SNX8: variants seen among roughly 807,000 people sequenced by gnomAD.
SNX8 encodes sorting nexin-8.
Under a neutral mutation model 51.6 loss-of-function variants are expected in SNX8, and 25 were observed. The ratio of observed to expected loss-of-function variants is 0.48; its 90% confidence interval spans 0.35 to 0.68. The LOEUF (loss-of-function observed/expected upper bound fraction) is 0.68. SNX8 is among the 30% of genes least tolerant of loss of function. The pLI is 0.00. For synonymous variants in SNX8, 324 were observed against 277.0 expected (o/e 1.17, Z -1.68); for missense variants, 695 against 624.0 (o/e 1.11, Z -1.21).
chr7:2,285,046 T>A (rs562243699), intron 1 of SNX8, among the ~76,000 whole-genome samples: 35 of 151,742 alleles, frequency 2.3e-4, no homozygotes, highest in African/African-American at 8.2e-4. Context: ...CCTCATCTCT[T>A]CTAAAAATAC....
intron 1 of SNX8, among the ~76,000 whole-genome samples, chr7:2,344,855 C>A (rs933544575): frequency 6.6e-6 from 1 of 152,120 alleles, no homozygotes; most frequent in Non-Finnish European, 1.5e-5. Flanking sequence ...GTCAGGAGTT[C>A]GAGACCAGCT....
intron 7 of SNX8, among the ~76,000 whole-genome samples, chr7:2,261,695 A>C (rs1164910977): frequency 6.6e-6 from 1 of 152,192 alleles, no homozygotes; most frequent in African/African-American, 2.4e-5. Flanking sequence ...ATCTACAGAA[A>C]CCAACAGTGC....
At chr7:2,308,227 T>C (rs1438538802) in intron 1 of SNX8, among the ~76,000 whole-genome samples, 1 of 152,104 alleles carries the variant, frequency 6.6e-6, no homozygotes, top group South Asian at 2.1e-4. Context: ...CAGATAGTAT[T>C]CTAGATACTG....
chr7:2,257,073 G>A (rs1795203987), intron 9 of SNX8, 50 bp from the exon 10 acceptor site: 2 of 1,542,590 alleles, frequency 1.3e-6, no homozygotes, highest in African/African-American at 1.4e-5. Context: ...GGCGACGGGA[G>A]CACCAAGGCC....
In SNX8 at chr7:2,271,904, G is replaced by C; in HGVS notation, c.486C>G (p.His162Gln). 6.2e-7 allele frequency: 1 copy of C among 1,613,960 alleles called. No individual in the cohort carries two copies. Among genetic ancestry groups the C allele is most frequent in the Non-Finnish European group, 8.5e-7 (1 of 1,179,968 alleles). ...LKRFVNLVAR[H>Q]PLFSEDVVLK... ...GGACCACATCCTCGGAGAACAGGGGGTGTCGCGCCACCAGGTTGACGAAGC... is the reference window on the plus strand; with the variant it reads ...GGACCACATCCTCGGAGAACAGGGGCTGTCGCGCCACCAGGTTGACGAAGC... The change falls in exon 4 of 11, where the codon CAC becomes CAG. Residue 162 changes from histidine (H) to glutamine (Q), a missense_variant. Coordinates refer to ENST00000222990, the MANE Select transcript of SNX8 (RefSeq NM_013321.4).
At chr7:2,329,795 C>T (rs1778696501) in intron 1 of SNX8, among the ~76,000 whole-genome samples, 2 of 151,786 alleles carry the variant, frequency 1.3e-5, no homozygotes, top group South Asian at 4.2e-4. Flanking sequence ...CAGACCTGGC[C>T]CTAGTCAGCT....
At chr7:2,347,480 C>CA (rs749495262) in intron 1 of SNX8, among the ~76,000 whole-genome samples, 14,156 of 38,734 alleles carry the variant, frequency 0.37, 1,567 homozygotes, top group East Asian at 0.46. Context: ...GATGCTGTCT[C>CA]AAAAAAAAAA....
chr7:2,307,298 A>G (rs186035134), intron 1 of SNX8, among the ~76,000 whole-genome samples: 10 of 151,470 alleles, frequency 6.6e-5, no homozygotes, highest in African/African-American at 2.4e-4. Flanking sequence ...GTGATTCTAT[A>G]GTAGAAATAT....
rs975515781 is a variant in SNX8, at chr7:2,342,986, G to C, written c.-66+11236C>G. Among the ~76,000 whole-genome samples the C allele has an allele frequency of 2.6e-5, 4 of 151,772 alleles. No homozygotes were observed. The East Asian group carries it at 7.9e-4, about 30-fold the overall frequency. On this transcript the variant is annotated intron_variant, in intron 1 of 5. Coordinates refer to the SNX8 transcript ENST00000435336. ...TTTTTTGTATTTTTAGTAGAGACGG[G>C]GTTTTACCGTATTGGTCAGGCTGGT...
intron 1 of SNX8, among the ~76,000 whole-genome samples, chr7:2,300,652 A>T (rs115585170): frequency 0.1 from 14,866 of 146,442 alleles, 1,764 homozygotes; most frequent in African/African-American, 0.29. Flanking sequence ...TTTTTTTTTT[A>T]AATTATTGAG....
At chr7:2,324,714 A>G (rs1778595034) in intron 1 of SNX8, among the ~76,000 whole-genome samples, 1 of 152,236 alleles carries the variant, frequency 6.6e-6, no homozygotes, top group African/African-American at 2.4e-5. Context: ...CCCAGAGCTG[A>G]GATCCTAGCC....
chr7:2,308,843 C>G (rs1376327915), intron 1 of SNX8, among the ~76,000 whole-genome samples: 1 of 148,470 alleles, frequency 6.7e-6, no homozygotes, highest in Non-Finnish European at 1.5e-5. Flanking sequence ...CAGCGCGGCA[C>G]CATCTCGGCT....
intron 3 of SNX8, among the ~76,000 whole-genome samples, 173 bp from the exon 4 acceptor site, chr7:2,272,144 G>A (rs1274805204): frequency 1.3e-5 from 2 of 152,178 alleles, no homozygotes; most frequent in Admixed American, 1.3e-4. Context: ...AGGCCGCCCA[G>A]AGCAATAACC....
At position 2,267,884 on chromosome 7, in the gene SNX8, C is replaced by T. The variant is rs1363164716; in HGVS notation, c.621+1675G>A. ...GAAGTGAGGAGCGCCTCTTCCCAGC[C>T]GCCATCACATCTAGGAAGTGAGGAG... On this transcript the variant is annotated intron_variant, in intron 5 of 10. Coordinates refer to ENST00000222990, the MANE Select transcript of SNX8 (RefSeq NM_013321.4). Among the ~76,000 whole-genome samples the T allele has an allele frequency of 8.1e-5, 9 of 111,016 alleles. No homozygotes were observed. The South Asian group carries it at 1.4e-3, about 18-fold the overall frequency. 72.8% of individuals were successfully genotyped at this position (111,016 alleles called of 152,430 possible).
Position 2,264,445 on chromosome 7 carries a change from G to A in SNX8, c.635C>T (p.Ala212Val). ...GATGGCAAACTGAGCCTGGATGTCA[G>A]CTGGGAGGAAGTCCTGACATCATGA... ...LATRAKDFLP[A>V]DIQAQFAISR... is the part of the protein sequence containing the mutation. Residue 212 changes from alanine to valine, a missense_variant, in exon 6 of 11, where the codon GCT becomes GTT. Coordinates refer to ENST00000222990, the MANE Select transcript of SNX8 (RefSeq NM_013321.4). 6.2e-7 allele frequency: 1 copy of A among 1,611,078 alleles called. No individual in the cohort carries two copies. The highest frequency in any genetic ancestry group is 8.5e-7 in the Non-Finnish European group (1 of 1,179,868).
intron 5 of SNX8, among the ~76,000 whole-genome samples, chr7:2,268,946 G>T: frequency 7.5e-6 from 1 of 133,438 alleles, no homozygotes; most frequent in Non-Finnish European, 1.6e-5. Context: ...CCCCGTCCGG[G>T]AGGTGAGGGG....
At chr7:2,333,743 C>T (rs1406006821) in intron 1 of SNX8, among the ~76,000 whole-genome samples, 2 of 152,146 alleles carry the variant, frequency 1.3e-5, no homozygotes, top group Non-Finnish European at 2.9e-5. Flanking sequence ...TTCAATTAAC[C>T]TCATTGAATG....
At chr7:2,293,186 T>G (rs966436290) in intron 1 of SNX8, among the ~76,000 whole-genome samples, 2 of 147,788 alleles carry the variant, frequency 1.4e-5, no homozygotes, top group Non-Finnish European at 3.0e-5. Flanking sequence ...GAGGATCACA[T>G]GAGCGCAGGT....
intron 1 of SNX8, among the ~76,000 whole-genome samples, chr7:2,333,605 G>C (rs1243380406): frequency 2.0e-5 from 3 of 152,090 alleles, no homozygotes; most frequent in African/African-American, 7.2e-5. Flanking sequence ...AGATAATGTG[G>C]TATTGTCATA....
Sources: allele counts gnomAD v4.1 joint callset (sites outside exome capture counted in the v4.1 genomes callset), GRCh38; gene constraint gnomAD v4.1.1; transcripts MANE v1.5; gene names NCBI Gene and HGNC (gene_info 2026-07-23, HGNC 2026-07-21).